Variants in DLGAP2 observed in about 807,000 individuals in gnomAD.
DLGAP2 encodes the protein DLG associated protein 2.
Under a neutral mutation model 100.3 loss-of-function variants are expected in DLGAP2, and 26 were observed. The ratio of observed to expected loss-of-function variants is 0.26; its 90% confidence interval spans 0.19 to 0.36. The LOEUF is 0.36. DLGAP2 is among the 10% of genes least tolerant of loss of function. The pLI is 1.00. For synonymous variants in DLGAP2, 886 were observed against 630.1 expected (o/e 1.41, Z -6.08); for missense variants, 1,858 against 1,453.2 (o/e 1.28, Z -4.53).
intron 1 of DLGAP2, among the ~76,000 whole-genome samples, chr8:811,742 C>G (rs1401961770): frequency 6.6e-6 from 1 of 151,612 alleles, no homozygotes; most frequent in African/African-American, 2.4e-5. Flanking sequence ...CAGGAACTAT[C>G]TGGGGGCCCT....
intron 3 of DLGAP2, among the ~76,000 whole-genome samples, chr8:1,390,587 C>G (rs868055708): frequency 6.6e-6 from 1 of 152,092 alleles, no homozygotes; most frequent in African/African-American, 2.4e-5. Flanking sequence ...CTCTGCGTGC[C>G]GCCTCCCTTG....
chr8:1,265,141 A>G (rs1157272991), intron 3 of DLGAP2, among the ~76,000 whole-genome samples: 3 of 152,238 alleles, frequency 2.0e-5, no homozygotes, highest in Non-Finnish European at 4.4e-5. Context: ...CAACAGGAGA[A>G]TGAACAACCA....
chr8:827,122 C>T (rs1796697591), intron 1 of DLGAP2, among the ~76,000 whole-genome samples: 1 of 152,142 alleles, frequency 6.6e-6, no homozygotes, highest in Non-Finnish European at 1.5e-5. Flanking sequence ...TCTGATGGGT[C>T]ATGGTGGGGG....
chr8:1,102,211 T>C (rs886678065), intron 2 of DLGAP2, among the ~76,000 whole-genome samples: 1 of 148,178 alleles, frequency 6.7e-6, no homozygotes, highest in Non-Finnish European at 1.5e-5. Flanking sequence ...ATATTGAATA[T>C]ATATAATGAA....
chr8:833,444 C>T (rs932049710), intron 1 of DLGAP2, among the ~76,000 whole-genome samples: 1 of 152,178 alleles, frequency 6.6e-6, no homozygotes, highest in Admixed American at 6.5e-5. Context: ...CAGCGTTTCC[C>T]AGCTTTGGAG....
At chr8:1,409,733 T>C (rs1796677358) in intron 3 of DLGAP2, among the ~76,000 whole-genome samples, 1 of 152,082 alleles carries the variant, frequency 6.6e-6, no homozygotes, top group African/African-American at 2.4e-5. Context: ...CCATGAGGGC[T>C]CAAATAGAAC....
chr8:1,274,867 T>C (rs1799651990), intron 3 of DLGAP2, among the ~76,000 whole-genome samples: 1 of 152,178 alleles, frequency 6.6e-6, no homozygotes, highest in African/African-American at 2.4e-5. Flanking sequence ...TCTCTGGCTT[T>C]AATTCCTTCG....
chr8:1,679,736 CTTTA>C (rs1798898782), intron 12 of DLGAP2, among the ~76,000 whole-genome samples: 1 of 152,174 alleles, frequency 6.6e-6, no homozygotes, highest in Admixed American at 6.5e-5. Flanking sequence ...AATTCCAGCA[CTTTA>C]GGAGGCTGAG....
At chr8:1,501,084 C>T (rs1049275298) in intron 3 of DLGAP2, among the ~76,000 whole-genome samples, 1 of 151,936 alleles carries the variant, frequency 6.6e-6, no homozygotes, top group Non-Finnish European at 1.5e-5. Flanking sequence ...GAAGTTAGGC[C>T]AGAGTTAAAG....
At chr8:1,695,428 CAT>C (rs1799367540) in intron 13 of DLGAP2, among the ~76,000 whole-genome samples, 1 of 141,164 alleles carries the variant, frequency 7.1e-6, no homozygotes, top group African/African-American at 3.0e-5. Flanking sequence ...GGGGCACAGC[CAT>C]GTCCGGCCCT....
intron 2 of DLGAP2, among the ~76,000 whole-genome samples, chr8:1,178,810 G>T (rs931888986): frequency 5.3e-5 from 8 of 152,166 alleles, no homozygotes; most frequent in African/African-American, 1.9e-4. Flanking sequence ...TGTGCCCACC[G>T]CCAGCATCTG....
At chr8:937,846 C>T (rs187707775) in intron 2 of DLGAP2, among the ~76,000 whole-genome samples, 22 of 152,266 alleles carry the variant, frequency 1.4e-4, no homozygotes, top group East Asian at 5.8e-4. Flanking sequence ...ACTCTACGGA[C>T]GCCTCCAAGT....
chr8:1,678,426 G>C lies in DLGAP2; in HGVS notation c.2501G>C (p.Arg834Pro), dbSNP rs148182252. The change falls in exon 12 of 15, where the codon CGG becomes CCG. Residue 834 changes from arginine to proline, a missense_variant. By Grantham distance (103) the Arg-to-Pro change is moderately radical (BLOSUM62 -2). Coordinates refer to ENST00000637795, the MANE Select transcript of DLGAP2 (RefSeq NM_001346810.2). ...CTCTTCAGCTATAGAGAAGACTATCGGACCCAAGTGGACACCTCCACCCTG... is the reference window on the plus strand; with the variant it reads ...CTCTTCAGCTATAGAGAAGACTATCCGACCCAAGTGGACACCTCCACCCTG... ...QGLFSYREDY[R>P]TQVDTSTLPP... 2 of 1,613,504 alleles carry C rather than the reference G, an allele frequency of 1.2e-6. No homozygotes were observed. Among genetic ancestry groups the C allele is most frequent in the South Asian group, 1.1e-5 (1 of 91,056 alleles).
At chr8:1,129,942 C>T (rs917980314) in intron 2 of DLGAP2, among the ~76,000 whole-genome samples, 2 of 152,096 alleles carry the variant, frequency 1.3e-5, no homozygotes, top group African/African-American at 4.8e-5. Flanking sequence ...GCCTTGTAAC[C>T]CCAGGTGCAC....
At chr8:1,182,193 G>A (rs1328272107) in intron 2 of DLGAP2, among the ~76,000 whole-genome samples, 1 of 152,232 alleles carries the variant, frequency 6.6e-6, no homozygotes. Context: ...CAGTCACGGT[G>A]CTCTAAGCAG....
chr8:1,385,712 G>T (rs1331641649), intron 3 of DLGAP2, among the ~76,000 whole-genome samples: 1 of 127,712 alleles, frequency 7.8e-6, no homozygotes. Context: ...TACCCGGCCT[G>T]TGCCCGTCCC....
intron 3 of DLGAP2, among the ~76,000 whole-genome samples, chr8:1,476,645 C>T (rs143987854): frequency 8.7e-4 from 132 of 152,316 alleles, no homozygotes; most frequent in African/African-American, 2.7e-3. Context: ...GCCGGACCCA[C>T]CCGTGATGGC....
intron 3 of DLGAP2, among the ~76,000 whole-genome samples, chr8:1,448,270 G>C (rs1306206533): frequency 6.6e-6 from 1 of 152,138 alleles, no homozygotes; most frequent in Non-Finnish European, 1.5e-5. Context: ...GTGTCCCAGA[G>C]ATTCTGGTAT....
rs771329029 is a variant in DLGAP2, at chr8:1,668,486, C to G, written c.1968C>G (p.Asp656Glu). Residue 656 changes from aspartate to glutamate, a missense_variant, in exon 9 of 15, where the codon GAC becomes GAG. Coordinates refer to ENST00000637795, the MANE Select transcript of DLGAP2 (RefSeq NM_001346810.2). ...RAQRMSPWPQ[D>E]SRGLYNSTDS... ...AGAGGATGTCCCCGTGGCCCCAGGA[C>G]AGCCGCGGCCTCTACAACTCCACGG... 15 of 1,593,148 alleles carry G rather than the reference C, an allele frequency of 9.4e-6. No homozygotes were observed. The highest frequency in any genetic ancestry group is 1.1e-5 in the Non-Finnish European group (13 of 1,170,852).
Sources: allele counts gnomAD v4.1 joint callset (sites outside exome capture counted in the v4.1 genomes callset), GRCh38; gene constraint gnomAD v4.1.1; transcripts MANE v1.5; gene names NCBI Gene and HGNC (gene_info 2026-07-23, HGNC 2026-07-21).